The following ZFHX3 variants were observed in gnomAD, a reference collection of about 807,000 sequenced individuals.
The protein encoded by ZFHX3 is zinc finger homeobox 3.
In ZFHX3, 42 loss-of-function variants were observed where a neutral mutation model predicts 279.1. The ratio of observed to expected loss-of-function variants is 0.15; its 90% confidence interval spans 0.12 to 0.19. The LOEUF is 0.19. ZFHX3 is among the 10% of genes least tolerant of loss of function. ZFHX3 has a pLI of 1.00. For synonymous variants in ZFHX3, 2,293 were observed against 1,957.8 expected, an observed-to-expected ratio of 1.17 and a Z score of -4.52; for missense variants, 4,981 against 4,754.0, an observed-to-expected ratio of 1.05 and a Z score of -1.40.
chr16:73,265,033 T>TATAA (rs766121124), intron 4 of ZFHX3, among the ~76,000 whole-genome samples: 7 of 150,020 alleles, frequency 4.7e-5, no homozygotes, highest in African/African-American at 1.5e-4. Flanking sequence ...TATATATATA[T>TATAA]AACACCTCAG....
intron 5 of ZFHX3, among the ~76,000 whole-genome samples, chr16:73,160,910 G>T (rs1341155532): frequency 6.6e-6 from 1 of 151,432 alleles, no homozygotes; most frequent in Non-Finnish European, 1.5e-5. Context: ...TACATTCTTG[G>T]GTGGTGCCCT....
intron 4 of ZFHX3, among the ~76,000 whole-genome samples, chr16:72,885,939 T>G (rs768370379): frequency 1.3e-5 from 2 of 152,120 alleles, no homozygotes; most frequent in African/African-American, 2.4e-5. Flanking sequence ...AGCTGAAAAA[T>G]CATGTCCTGA....
chr16:73,565,581 T>C (rs2020439521), intron 2 of ZFHX3, among the ~76,000 whole-genome samples: 1 of 152,224 alleles, frequency 6.6e-6, no homozygotes. Context: ...GTCCTGTTTA[T>C]TCCTCAGACT....
intron 5 of ZFHX3, among the ~76,000 whole-genome samples, chr16:73,204,911 T>C (rs566761396): frequency 7.9e-5 from 12 of 152,300 alleles, no homozygotes; most frequent in African/African-American, 2.6e-4. Context: ...ACTGCTGAGT[T>C]TGGATTTCAA....
At chr16:73,231,622 A>G (rs959222365) in intron 5 of ZFHX3, among the ~76,000 whole-genome samples, 1 of 152,192 alleles carries the variant, frequency 6.6e-6, no homozygotes, top group African/African-American at 2.4e-5. Context: ...TGTGTCTAAC[A>G]GGGACACAGG....
At chr16:72,892,716 CA>C (rs1388742777) in intron 3 of ZFHX3, among the ~76,000 whole-genome samples, 1 of 152,138 alleles carries the variant, frequency 6.6e-6, no homozygotes, top group African/African-American at 2.4e-5. Flanking sequence ...CCATGTTGGC[CA>C]GGCTGGTCTC....
intron 3 of ZFHX3, among the ~76,000 whole-genome samples, chr16:73,419,787 C>A (rs2143487844): frequency 6.6e-6 from 1 of 152,194 alleles, no homozygotes; most frequent in South Asian, 2.1e-4. Flanking sequence ...CTGCCTGGGA[C>A]TCCTTGTCCA....
intron 1 of ZFHX3, among the ~76,000 whole-genome samples, chr16:72,993,012 C>G (rs1272040744): frequency 6.6e-6 from 1 of 152,256 alleles, no homozygotes; most frequent in Non-Finnish European, 1.5e-5. Flanking sequence ...CGCTAGGCGC[C>G]TGTAATCCCA....
intron 5 of ZFHX3, among the ~76,000 whole-genome samples, chr16:73,177,114 T>C (rs933168644): frequency 6.6e-6 from 1 of 152,120 alleles, no homozygotes; most frequent in Non-Finnish European, 1.5e-5. Context: ...AAAATTAATA[T>C]CTGCACTCCA....
intron 9 of ZFHX3, chr16:72,789,060 A>G (rs1444482092): frequency 1.5e-5 from 7 of 468,042 alleles, no homozygotes; most frequent in Non-Finnish European, 2.6e-5. Context: ...GTCAGCTCCC[A>G]TACTTCCCCT....
chr16:73,445,836 C>G (rs1212345664), intron 3 of ZFHX3, among the ~76,000 whole-genome samples: 1 of 152,136 alleles, frequency 6.6e-6, no homozygotes, highest in South Asian at 2.1e-4. Flanking sequence ...TAAAATACAC[C>G]AGCTCCCTTT....
intron 5 of ZFHX3, among the ~76,000 whole-genome samples, chr16:73,154,255 C>T (rs1967018509): frequency 6.6e-6 from 1 of 152,192 alleles, no homozygotes; most frequent in African/African-American, 2.4e-5. Flanking sequence ...TCGGTCAATG[C>T]ACAGATCTCA....
At chr16:73,101,150 T>G (rs1163221926) in intron 7 of ZFHX3, among the ~76,000 whole-genome samples, 1 of 152,282 alleles carries the variant, frequency 6.6e-6, no homozygotes, top group South Asian at 2.1e-4. Flanking sequence ...TGCTTCACTT[T>G]CGATTCCTCT....
At chr16:73,607,347 C>A (rs2052200282) in intron 2 of ZFHX3, among the ~76,000 whole-genome samples, 2 of 152,202 alleles carry the variant, frequency 1.3e-5, no homozygotes, top group African/African-American at 4.8e-5. Context: ...CTTTTTGAGG[C>A]TGCATAGTAT....
intron 5 of ZFHX3, among the ~76,000 whole-genome samples, chr16:72,817,829 G>A (rs1221290178): frequency 6.6e-6 from 1 of 152,128 alleles, no homozygotes; most frequent in East Asian, 1.9e-4. Context: ...GAACCTTGTG[G>A]GGAATCCAAA....
chr16:73,295,526 A>G (rs2014888198), intron 4 of ZFHX3, among the ~76,000 whole-genome samples: 1 of 152,244 alleles, frequency 6.6e-6, no homozygotes, highest in African/African-American at 2.4e-5. Flanking sequence ...CACTTTCTGA[A>G]CACTGACAAC....
At chr16:73,251,987 A>AT in intron 5 of ZFHX3, among the ~76,000 whole-genome samples, 1 of 150,266 alleles carries the variant, frequency 6.7e-6, no homozygotes, top group Non-Finnish European at 1.5e-5. Context: ...AACACATCAC[A>AT]CACACACACA....
intron 5 of ZFHX3, among the ~76,000 whole-genome samples, chr16:73,180,546 G>C (rs1256095133): frequency 1.1e-4 from 16 of 152,160 alleles, no homozygotes; most frequent in Admixed American, 1.0e-3. Context: ...AACTTTCTAT[G>C]CCAATCCACT....
chr16:73,744,773 C>G (rs921164845), intron 1 of ZFHX3, among the ~76,000 whole-genome samples: 2 of 152,140 alleles, frequency 1.3e-5, no homozygotes, highest in Non-Finnish European at 2.9e-5. Flanking sequence ...CTGAATATTA[C>G]TATTTCTCCC....
Sources: gnomAD v4.1 joint callset for allele counts (sites outside exome capture counted in the v4.1 genomes callset) on GRCh38, gnomAD v4.1.1 for gene constraint, MANE v1.5 for transcripts, NCBI Gene and HGNC (gene_info 2026-07-23, HGNC 2026-07-21) for gene names.